Variants in AKAP6 observed in about 807,000 individuals in gnomAD.
AKAP6 encodes A-kinase anchor protein 6.
AKAP6 carries 58 observed loss-of-function variants against 188.5 expected under a neutral mutation model. The observed-to-expected ratio is 0.31, with a 90% CI of 0.25 to 0.38. AKAP6 has a LOEUF of 0.38. Among genes scored for constraint, AKAP6 ranks in the 10% least tolerant of loss-of-function variants. AKAP6 has a pLI of 1.00. For missense variants in AKAP6, 2,710 were observed against 2,740.0 expected, an observed-to-expected ratio of 0.99 and a Z score of 0.24; for synonymous variants, 989 against 998.6, an observed-to-expected ratio of 0.99 and a Z score of 0.18.
At chr14:32,661,258 G>T (rs972232426) in intron 7 of AKAP6, among the ~76,000 whole-genome samples, 1 of 152,030 alleles carries the variant, frequency 6.6e-6, no homozygotes, top group South Asian at 2.1e-4. Context: ...TCAGTAAATC[G>T]TGATAATTGT....
Position 32,596,221 on chromosome 14 carries a change from C to T in AKAP6, c.2470-3189C>T, listed in dbSNP as rs371706210. ...CTTGTACCAGGATATCTGTTTCCAT[C>T]AAGGCGTATATTTCCTTGGTTTTAT... On this transcript the variant is annotated intron_variant, in intron 5 of 13. Transcript: ENST00000280979. Among the ~76,000 whole-genome samples the T allele has an allele frequency of 1.5e-4, 23 of 152,268 alleles. 1 individual carries two copies. In the South Asian group the frequency reaches 4.6e-3, roughly 30 times the overall value.
intron 3 of AKAP6, among the ~76,000 whole-genome samples, chr14:32,544,695 G>C (rs1883110723): frequency 6.6e-6 from 1 of 152,142 alleles, no homozygotes; most frequent in African/African-American, 2.4e-5. Flanking sequence ...TGCAAATTCA[G>C]TAGTTTACCT....
intron 7 of AKAP6, among the ~76,000 whole-genome samples, chr14:32,635,567 A>G (rs1594800252): frequency 6.6e-6 from 1 of 152,094 alleles, no homozygotes; most frequent in South Asian, 2.1e-4. Flanking sequence ...TAGAGCTGGG[A>G]GCTACTGTTG....
intron 9 of AKAP6, among the ~76,000 whole-genome samples, chr14:32,703,020 T>C (rs993695563): frequency 2.0e-5 from 3 of 152,154 alleles, no homozygotes; most frequent in African/African-American, 7.2e-5. Flanking sequence ...GAAAAGATAA[T>C]TAACACTTGA....
intron 5 of AKAP6, among the ~76,000 whole-genome samples, chr14:32,578,467 T>C (rs2139271096): frequency 6.6e-6 from 1 of 152,290 alleles, no homozygotes; most frequent in East Asian, 1.9e-4. Flanking sequence ...TGGGTTTTTA[T>C]ATACTGTCCT....
chr14:32,477,687 C>T (rs1879143129), intron 2 of AKAP6, among the ~76,000 whole-genome samples: 1 of 152,154 alleles, frequency 6.6e-6, no homozygotes, highest in South Asian at 2.1e-4. Context: ...TCATATTTAG[C>T]CAGATCTTTT....
chr14:32,725,920 T>C (rs1165793953), intron 9 of AKAP6, among the ~76,000 whole-genome samples: 3 of 152,130 alleles, frequency 2.0e-5, no homozygotes, highest in Non-Finnish European at 4.4e-5. Flanking sequence ...TGCTAATGAG[T>C]GTATTAGCAA....
chr14:32,826,858 C>T (rs1024033502), intron 13 of AKAP6, among the ~76,000 whole-genome samples: 13 of 152,098 alleles, frequency 8.5e-5, no homozygotes, highest in Non-Finnish European at 1.3e-4. Context: ...TGTTAAGCCC[C>T]GGTGATGCCT....
At chr14:32,431,117 AT>A (rs1049972155) in intron 1 of AKAP6, among the ~76,000 whole-genome samples, 4 of 151,814 alleles carry the variant, frequency 2.6e-5, no homozygotes, top group African/African-American at 7.3e-5. Context: ...AAAAAAAAAA[AT>A]TGGAGAAATT....
chr14:32,460,405 G>T (rs148778788), intron 2 of AKAP6, among the ~76,000 whole-genome samples: 1 of 152,186 alleles, frequency 6.6e-6, no homozygotes, highest in African/African-American at 2.4e-5. Context: ...ACTGGGGCTG[G>T]TTAGGTAGTG....
At chr14:32,563,507 G>A (rs1278128198) in intron 4 of AKAP6, among the ~76,000 whole-genome samples, 1 of 152,144 alleles carries the variant, frequency 6.6e-6, no homozygotes, top group African/African-American at 2.4e-5. Flanking sequence ...GGAAGGGTCA[G>A]GTCTTAGCAG....
chr14:32,695,780 T>C (rs575973718), intron 8 of AKAP6, among the ~76,000 whole-genome samples: 1 of 152,296 alleles, frequency 6.6e-6, no homozygotes, highest in Non-Finnish European at 1.5e-5. Flanking sequence ...GCATTGGAAT[T>C]GCATATTACG....
intron 1 of AKAP6, among the ~76,000 whole-genome samples, chr14:32,415,931 T>C (rs1214601062): frequency 6.6e-6 from 1 of 152,194 alleles, no homozygotes; most frequent in African/African-American, 2.4e-5. Context: ...TTATCTGTTT[T>C]GCCATTCATC....
At chr14:32,677,799 T>G (rs1889496156) in intron 7 of AKAP6, among the ~76,000 whole-genome samples, 1 of 152,242 alleles carries the variant, frequency 6.6e-6, no homozygotes, top group Non-Finnish European at 1.5e-5. Flanking sequence ...TTAAAATTAT[T>G]AAGACAGTAA....
At chr14:32,760,944 C>A (rs1020266356) in intron 11 of AKAP6, among the ~76,000 whole-genome samples, 3 of 152,080 alleles carry the variant, frequency 2.0e-5, no homozygotes, top group Non-Finnish European at 2.9e-5. Flanking sequence ...TTCTAAATGA[C>A]CCTGAGAGTA....
intron 9 of AKAP6, among the ~76,000 whole-genome samples, chr14:32,729,768 T>C (rs571179593): frequency 2.6e-5 from 4 of 152,278 alleles, no homozygotes; most frequent in Admixed American, 1.3e-4. Context: ...GATGCTTATT[T>C]ACCTTAGCAC....
At chr14:32,775,988 G>T (rs1030086779) in intron 12 of AKAP6, among the ~76,000 whole-genome samples, 1 of 152,258 alleles carries the variant, frequency 6.6e-6, no homozygotes, top group Admixed American at 6.5e-5. Flanking sequence ...TGTGAGCACC[G>T]GGTACATCAT....
At chr14:32,665,108 T>C (rs1345556863) in intron 7 of AKAP6, among the ~76,000 whole-genome samples, 4 of 152,038 alleles carry the variant, frequency 2.6e-5, no homozygotes, top group African/African-American at 9.7e-5. Flanking sequence ...TCTGTGACCA[T>C]ATTTGGGGGT....
Position 32,715,542 on chromosome 14 carries a change from G to T in AKAP6, c.3001-16912G>T, listed in dbSNP as rs147889731. Among the ~76,000 whole-genome samples, 11 of 152,068 alleles carry T rather than the reference G, an allele frequency of 7.2e-5. No individual in the cohort carries two copies. In the East Asian group the frequency reaches 2.1e-3, roughly 29 times the overall value. ...CTTAGAAAGTCCTCATGGAATAAAT[G>T]ATATTTGAACTGAACCTTACTGGAT... On this transcript the variant is annotated intron_variant, in intron 9 of 13. Transcript: ENST00000280979.
Sources: allele counts gnomAD v4.1 joint callset (sites outside exome capture counted in the v4.1 genomes callset), GRCh38; gene constraint gnomAD v4.1.1; transcripts MANE v1.5; gene names NCBI Gene and HGNC (gene_info 2026-07-23, HGNC 2026-07-21).